Variants in NUP214 observed in about 807,000 individuals in gnomAD.
The protein encoded by NUP214 is nuclear pore complex protein Nup214.
In NUP214, 79 loss-of-function variants were observed where a neutral mutation model predicts 196.2. That is an observed-to-expected ratio of 0.40 (90% CI 0.34 to 0.49). The LOEUF (loss-of-function observed/expected upper bound fraction) is 0.49. NUP214 is among the 20% of genes least tolerant of loss of function. The pLI is 0.58. For synonymous variants in NUP214, 1,020 were observed against 990.5 expected, an observed-to-expected ratio of 1.03 and a Z score of -0.56; for missense variants, 2,468 against 2,539.0, an observed-to-expected ratio of 0.97 and a Z score of 0.60.
chr9:131,177,926 TAAAG>T (rs1382395250), intron 23 of NUP214, among the ~76,000 whole-genome samples: 5 of 152,296 alleles, frequency 3.3e-5, no homozygotes, highest in African/African-American at 1.2e-4. Context: ...AAGCCCATGT[TAAAG>T]AAAGACAGTG....
At position 131,219,120 on chromosome 9, in the gene NUP214, G is replaced by C. The variant is rs573617342; in HGVS notation, c.5750-3658G>C. 1.4e-4 allele frequency among the ~76,000 whole-genome samples: 22 copies of C among 152,182 alleles called. 1 individual carries two copies. Among genetic ancestry groups the C allele is most frequent in the African/African-American group, 5.1e-4 (21 of 41,504 alleles). ...AACCAGCCTTTATTAATCACCTGCT[G>C]TGTGCCAGAAGCTCAATGCACGTGA... is the stretch of plus-strand genomic sequence containing the variant. On this transcript the variant is annotated intron_variant, in intron 31 of 35. Coordinates refer to ENST00000359428, the MANE Select transcript of NUP214 (RefSeq NM_005085.4).
intron 4 of NUP214, 126 bp downstream of exon 4, chr9:131,129,603 A>T: frequency 1.2e-6 from 1 of 869,072 alleles, no homozygotes; most frequent in Non-Finnish European, 1.8e-6. Flanking sequence ...AGGGAGGTTA[A>T]GGATGGAAGG....
At chr9:131,231,792 A>G (rs1834886162) in intron 34 of NUP214, among the ~76,000 whole-genome samples, 1 of 152,116 alleles carries the variant, frequency 6.6e-6, no homozygotes, top group Non-Finnish European at 1.5e-5. Flanking sequence ...GTGAAGAAAC[A>G]GAAACTCCAA....
At position 131,125,690 on chromosome 9, in the gene NUP214, A is replaced by C; in HGVS notation, c.-15A>C. 1 of 1,550,314 alleles carries C rather than the reference A, an allele frequency of 6.5e-7. No individual in the cohort carries two copies. Among genetic ancestry groups the C allele is most frequent in the Non-Finnish European group, 8.7e-7 (1 of 1,146,560 alleles). ...GAGGCAGCGTTGGCTGCTTCGACACACTGAGGGCGGCGCGATGGGAGACGA... is the reference window on the plus strand; with the variant it reads ...GAGGCAGCGTTGGCTGCTTCGACACCCTGAGGGCGGCGCGATGGGAGACGA... On this transcript the variant is annotated 5_prime_UTR_variant, in exon 1 of 36. Transcript: ENST00000359428. The surrounding 1 kb of genome is among the most constrained non-coding windows in gnomAD (Gnocchi z 4.1).
chr9:131,130,137 G>GTTTGTT (rs1831489831), intron 4 of NUP214, among the ~76,000 whole-genome samples: 1 of 76,894 alleles, frequency 1.3e-5, no homozygotes, highest in Non-Finnish European at 2.3e-5. Flanking sequence ...TTCTGGTTTT[G>GTTTGTT]TTTTTTTTTT....
At chr9:131,183,168 T>A (rs746947293) in intron 24 of NUP214, among the ~76,000 whole-genome samples, 9 of 152,242 alleles carry the variant, frequency 5.9e-5, no homozygotes, top group Non-Finnish European at 1.3e-4. Context: ...CACTGCAACC[T>A]CTGCCTCCCA....
chr9:131,198,538 G>A lies in NUP214; in HGVS notation c.5044G>A (p.Ala1682Thr), dbSNP rs761448842. The change falls in exon 29 of 36, where the codon GCA becomes ACA. Residue 1682 changes from alanine (A) to threonine (T), a missense_variant. Coordinates refer to ENST00000359428, the MANE Select transcript of NUP214 (RefSeq NM_005085.4). ...GTTTGGGCAAGTGGCAGCCAGCACC[G>A]CACCAAGTCTGTTTGGGCAGCAGAC... is the stretch of plus-strand genomic sequence containing the variant. ...PVFGQVAAST[A>T]PSLFGQQTGS... 66 of 1,614,074 alleles carry A rather than the reference G, an allele frequency of 4.1e-5. No individual in the cohort carries two copies. The highest frequency in any genetic ancestry group is 3.3e-4 in the Middle Eastern group (2 of 6,084).
chr9:131,174,794 T>C (rs901517162), intron 22 of NUP214, among the ~76,000 whole-genome samples: 2 of 152,198 alleles, frequency 1.3e-5, no homozygotes, highest in Admixed American at 1.3e-4. Flanking sequence ...ATTAGAAGAC[T>C]GATTGAAAAG....
At chr9:131,203,165 T>TCG (rs891521711) in intron 30 of NUP214, among the ~76,000 whole-genome samples, 1 of 151,590 alleles carries the variant, frequency 6.6e-6, no homozygotes, top group African/African-American at 2.4e-5. Flanking sequence ...CAGGATGGTC[T>TCG]CGATCTCCTG....
chr9:131,209,208 A>G (rs952733060), intron 30 of NUP214, among the ~76,000 whole-genome samples: 3 of 151,858 alleles, frequency 2.0e-5, no homozygotes, highest in African/African-American at 7.3e-5. Flanking sequence ...TTCCATCTCT[A>G]CAAAAAAAAA....
At position 131,146,849 on chromosome 9, in the gene NUP214, GA is replaced by G. The variant is rs915839599; in HGVS notation, c.1945+547del. 6.6e-6 allele frequency among the ~76,000 whole-genome samples: 1 copy of G among 151,522 alleles called. No homozygotes were observed. On this transcript the variant is annotated intron_variant, in intron 13 of 35. Transcript: ENST00000359428. This position sits in a 1 kb window ranked among gnomAD's most constrained non-coding sequence, Gnocchi z 4.6. ...GGAGGCTGAGGCGGGAGAATCACTT[GA>G]ACCTAGGAGGCAGAGATTGCAGGGA...
chr9:131,203,009 T>C (rs1263776840), intron 30 of NUP214, among the ~76,000 whole-genome samples: 1 of 151,842 alleles, frequency 6.6e-6, no homozygotes, highest in Non-Finnish European at 1.5e-5. Flanking sequence ...GCAGTGGTGC[T>C]ATCTCGGCTC....
chr9:131,151,590 TTA>T, intron 16 of NUP214, 144 bp from the exon 17 acceptor site: 1 of 570,440 alleles, frequency 1.8e-6, no homozygotes, highest in Non-Finnish European at 3.1e-6. Flanking sequence ...TTCTAAACAG[TTA>T]AATTCTTTTT....
At position 131,197,490 on chromosome 9, in the gene NUP214, A is replaced by C. The variant is rs1833820859; in HGVS notation, c.3996A>C (p.Gly1332=). The change falls in exon 29 of 36, where the codon GGA becomes GGC. Residue 1332 remains glycine (G), a synonymous_variant. Coordinates refer to ENST00000359428, the MANE Select transcript of NUP214 (RefSeq NM_005085.4). ...GTTCTTTGGCTGGAGAGACTCTGGGAAGTTTTTCAGGACTGCGGGTTGGCC... is the reference window on the plus strand; with the variant it reads ...GTTCTTTGGCTGGAGAGACTCTGGGCAGTTTTTCAGGACTGCGGGTTGGCC... ...FPSSLAGETL[G]SFSGLRVGQA... 1 of 1,614,140 alleles carries C rather than the reference A, an allele frequency of 6.2e-7. No homozygotes were observed. Among genetic ancestry groups the C allele is most frequent in the Admixed American group, 1.7e-5 (1 of 60,020 alleles).
intron 31 of NUP214, among the ~76,000 whole-genome samples, chr9:131,216,386 G>A (rs773094381): frequency 6.6e-5 from 10 of 150,686 alleles, no homozygotes; most frequent in African/African-American, 2.2e-4. Flanking sequence ...CACCAAGCCC[G>A]GCTAATTTTT....
intron 10 of NUP214, 58 bp from the exon 11 acceptor site, chr9:131,140,490 TC>T (rs1831876718): frequency 6.7e-7 from 1 of 1,493,860 alleles, no homozygotes. Flanking sequence ...GTCTTTGCCT[TC>T]TGGGCTCAGG....
chr9:131,150,811 A>T, intron 16 of NUP214, 46 bp downstream of exon 16: 1 of 1,562,602 alleles, frequency 6.4e-7, no homozygotes, highest in East Asian at 2.2e-5. Context: ...GCATTTAACA[A>T]TTTTTTTCTC....
At position 131,135,976 on chromosome 9, in the gene NUP214, A is replaced by G; in HGVS notation, c.975A>G (p.Glu325=). ...TGGCAGCATCTGCGGCTTCAACAGA[A>G]GTTAGTATCCTTGCTCGACAAAGTG... is the stretch of plus-strand genomic sequence containing the variant. ...LVLAASAAST[E]VSILARQSDQ... Residue 325 remains glutamate, a synonymous_variant, in exon 9 of 36, where the codon GAA becomes GAG. Transcript: ENST00000359428. The G allele has an allele frequency of 6.2e-7, 1 of 1,613,970 alleles. No individual in the cohort carries two copies. The highest frequency in any genetic ancestry group is 1.3e-5 in the African/African-American group (1 of 75,070).
chr9:131,146,737 C>T lies in NUP214; in HGVS notation c.1945+433C>T, dbSNP rs777923797. On this transcript the variant is annotated intron_variant, in intron 13 of 35. Transcript: ENST00000359428. This position sits in a 1 kb window ranked among gnomAD's most constrained non-coding sequence, Gnocchi z 4.6. ...CGGAGGTTAGGAGTTCGAGACCAGC[C>T]TGGCCAACATGGCAAAACCCCATCT... 1.1e-4 allele frequency among the ~76,000 whole-genome samples: 17 copies of T among 152,142 alleles called. No homozygotes were observed. The highest frequency in any genetic ancestry group is 1.8e-4 in the Non-Finnish European group (12 of 68,032).
Sources: allele counts gnomAD v4.1 joint callset (sites outside exome capture counted in the v4.1 genomes callset), GRCh38; gene constraint gnomAD v4.1.1; non-coding constraint Gnocchi (gnomAD v3.1); transcripts MANE v1.5; gene names NCBI Gene and HGNC (gene_info 2026-07-23, HGNC 2026-07-21).